Variants in GOLGA8S observed in about 807,000 individuals in gnomAD.
GOLGA8S encodes the protein golgin subfamily A member 8S.
A neutral mutation model predicts 58.9 loss-of-function variants in GOLGA8S; 23 were observed. That is an observed-to-expected ratio of 0.39 (90% confidence interval 0.28 to 0.55). GOLGA8S has a LOEUF of 0.55. Among genes scored for constraint, GOLGA8S ranks in the 20% least tolerant of loss-of-function variants. The pLI is 0.63. For synonymous variants in GOLGA8S, 84 were observed against 195.7 expected (o/e 0.43, Z 4.76); for missense variants, 266 against 514.2 (o/e 0.52, Z 4.67).
At chr15:23,365,161 A>G, downstream of GOLGA8S, 1 of 1,585,278 alleles carries the variant, frequency 6.3e-7, no homozygotes, top group Non-Finnish European at 8.5e-7. Flanking sequence ...AGAGCTGCTC[A>G]AGAAATTTTT....
downstream of GOLGA8S, chr15:23,365,772 AG>A (rs1292513669): frequency 5.9e-6 from 1 of 170,180 alleles, no homozygotes; most frequent in Non-Finnish European, 1.3e-5. Flanking sequence ...ATCTCACAGA[AG>A]AGGAAAGTGG....
intron 11 of GOLGA8S, among the ~76,000 whole-genome samples, 163 bp downstream of exon 11, chr15:23,360,978 T>C (rs1330312507): frequency 6.7e-6 from 1 of 148,282 alleles, no homozygotes; most frequent in Non-Finnish European, 1.5e-5. Flanking sequence ...TGAGCCTCAG[T>C]GTCCCCATCA....
intron 12 of GOLGA8S, 22 bp from the exon 13 acceptor site, chr15:23,361,702 C>T: frequency 1.5e-6 from 1 of 689,118 alleles, no homozygotes; most frequent in East Asian, 2.7e-5. Context: ...TGGGTGGCTG[C>T]TGATTGCTTC....
At chr15:23,368,280 G>A (rs1446667356), downstream of GOLGA8S, among the ~76,000 whole-genome samples, 1 of 151,896 alleles carries the variant, frequency 6.6e-6, no homozygotes, top group East Asian at 1.9e-4. Context: ...GACTGCTGGT[G>A]TGATGCCACT....
chr15:23,355,081 C>T (rs1346681291), intron 1 of GOLGA8S, among the ~76,000 whole-genome samples, 188 bp downstream of exon 1: 3 of 75,522 alleles, frequency 4.0e-5, no homozygotes, highest in African/African-American at 1.5e-4. Context: ...CCAGTCTCTG[C>T]CCTCACCAAT....
intron 15 of GOLGA8S, 78 bp from the exon 16 acceptor site, chr15:23,364,265 T>C (rs1430704928): frequency 6.3e-7 from 1 of 1,577,836 alleles, no homozygotes; most frequent in Non-Finnish European, 8.6e-7. Context: ...AGGACTCACC[T>C]CCACCTTCTC....
At chr15:23,357,888 C>T (rs2069713542) in intron 4 of GOLGA8S, among the ~76,000 whole-genome samples, 1 of 150,084 alleles carries the variant, frequency 6.7e-6, no homozygotes, top group African/African-American at 2.5e-5. Flanking sequence ...GAAGTGCTAG[C>T]CTGACTGGTT....
At chr15:23,358,258 C>A (rs1476870104) in intron 4 of GOLGA8S, among the ~76,000 whole-genome samples, 2 of 152,300 alleles carry the variant, frequency 1.3e-5, no homozygotes, top group Non-Finnish European at 2.9e-5. Flanking sequence ...ATTCCAGATT[C>A]AGACCTTCAG....
downstream of GOLGA8S, among the ~76,000 whole-genome samples, chr15:23,367,719 G>A (rs997061610): frequency 1.3e-5 from 2 of 151,752 alleles, no homozygotes; most frequent in African/African-American, 4.8e-5. Context: ...TTCGGTATAA[G>A]GCAGCTTTCA....
chr15:23,359,614 TG>T (rs1448530557), intron 8 of GOLGA8S, among the ~76,000 whole-genome samples: 1 of 144,030 alleles, frequency 6.9e-6, no homozygotes, highest in Non-Finnish European at 1.5e-5. Context: ...TGTTTGCAAG[TG>T]TTCATAAAAA....
At position 23,360,595 on chromosome 15, in the gene GOLGA8S, T is replaced by C. The variant is rs2069770804; in HGVS notation, c.786+63T>C. On this transcript the variant is annotated intron_variant, in intron 10 of 18. Coordinates refer to ENST00000562295, the Ensembl canonical transcript of GOLGA8S. ...GTCACTGGATCTTTCTGGGCACCTGTAAAATGGGAATAGTAGAGCCAGAGG... is the reference window on the plus strand; with the variant it reads ...GTCACTGGATCTTTCTGGGCACCTGCAAAATGGGAATAGTAGAGCCAGAGG... The C allele has an allele frequency of 4.6e-6, 5 of 1,097,250 alleles. 1 individual carries two copies. Among genetic ancestry groups the C allele is most frequent in the Non-Finnish European group, 7.0e-6 (5 of 713,028 alleles). 68.0% of individuals were successfully genotyped at this position (1,097,250 alleles called of 1,614,324 possible).
chr15:23,365,023 C>G (rs770665915), exon 19 of GOLGA8S: 1 of 1,580,220 alleles, frequency 6.3e-7, no homozygotes, highest in Admixed American at 1.7e-5. Context: ...CTCTCCTTGA[C>G]AAGCCTACTG....
In GOLGA8S at chr15:23,364,343, A is replaced by G. The variant is rs779075800; in HGVS notation, c.1348A>G (p.Ser450Gly). Residue 450 changes from serine to glycine, a missense_variant and splice_region_variant, in exon 16 of 19, where the codon AGC (serine) becomes GGC (glycine). Transcript: ENST00000562295. The stretch of plus-strand genomic sequence containing the variant: ...TGTGACTACAATATTTTGGCTCCAG[A>G]GCAGCTTTATGGACCACCTGGAGGA... 2.5e-6 allele frequency: 4 copies of G among 1,602,130 alleles called. No individual in the cohort carries two copies. In the East Asian group the frequency reaches 8.9e-5, roughly 36 times the overall value.
chr15:23,360,587 G>A lies in GOLGA8S; in HGVS notation c.786+55G>A, dbSNP rs1245976803. ...TTAGATAGGTCACTGGATCTTTCTG[G>A]GCACCTGTAAAATGGGAATAGTAGA... is the stretch of plus-strand genomic sequence containing the variant. On this transcript the variant is annotated intron_variant, in intron 10 of 18. Transcript: ENST00000562295. 5 of 1,017,652 alleles carry A rather than the reference G, an allele frequency of 4.9e-6. No individual in the cohort carries two copies. The East Asian group carries it at 9.5e-5, about 19-fold the overall frequency. The allele number at this position is 1,017,652 out of a possible 1,614,324, so 63.0% of individuals were successfully genotyped here.
Position 23,361,325 on chromosome 15 carries a change from G to T in GOLGA8S, c.979G>T (p.Glu327Ter), listed in dbSNP as rs761355057. The T allele has an allele frequency of 9.7e-6, 12 of 1,237,734 alleles. No individual in the cohort carries two copies. The highest frequency in any genetic ancestry group is 1.5e-5 in the African/African-American group (1 of 67,626). The allele number at this position is 1,237,734 out of a possible 1,614,324, so 76.7% of individuals were successfully genotyped here. Residue 327 changes from glutamate (E) to a stop codon, truncating the protein, a stop_gained, in exon 12 of 19, where the codon GAG (glutamate) becomes TAG (stop). Coordinates refer to ENST00000562295, the Ensembl canonical transcript of GOLGA8S. LOFTEE classifies it high-confidence loss of function. ...GGCAGGAGCGCTCCAGGCCCAGGTG[G>T]AGTACAATCAGCGCATAAGTCTCCT...
chr15:23,359,692 T>G (rs147753595), intron 8 of GOLGA8S, among the ~76,000 whole-genome samples: 10,942 of 122,494 alleles, frequency 0.089, 699 homozygotes, highest in Middle Eastern at 0.15. Flanking sequence ...CTGGGACTAT[T>G]TGAATGTATT....
At chr15:23,356,330 T>A (rs1438426416) in intron 1 of GOLGA8S, among the ~76,000 whole-genome samples, 1 of 141,010 alleles carries the variant, frequency 7.1e-6, no homozygotes, top group African/African-American at 2.5e-5. Flanking sequence ...TGGCAGCTGA[T>A]GATTCTTGGT....
At chr15:23,362,648 A>G (rs2069821614) in intron 13 of GOLGA8S, among the ~76,000 whole-genome samples, 2 of 139,976 alleles carry the variant, frequency 1.4e-5, no homozygotes, top group Admixed American at 7.1e-5. Flanking sequence ...TGGGAAGAGG[A>G]CATGAGATTT....
chr15:23,368,021 A>C (rs1040480212), downstream of GOLGA8S, among the ~76,000 whole-genome samples: 2 of 151,992 alleles, frequency 1.3e-5, no homozygotes, highest in Non-Finnish European at 2.9e-5. Flanking sequence ...TCATTTTAAA[A>C]TAATATAACT....
Sources: gnomAD v4.1 joint callset for allele counts (sites outside exome capture counted in the v4.1 genomes callset) on GRCh38, gnomAD v4.1.1 for gene constraint, MANE v1.5 for transcripts, NCBI Gene and HGNC (gene_info 2026-07-23, HGNC 2026-07-21) for gene names.